The following SOCS4 variants were observed in gnomAD, a reference collection of about 807,000 sequenced individuals.
SOCS4 encodes suppressor of cytokine signaling 4, also known as SH2 domain containing SOCS box protein.
Under a neutral mutation model 34.1 loss-of-function variants are expected in SOCS4, and 20 were observed. The observed-to-expected ratio is 0.59, with a 90% CI of 0.41 to 0.85. SOCS4 has a LOEUF of 0.85. Ranked by LOEUF, SOCS4 falls within the 40% of genes least tolerant of loss-of-function variation. The pLI is 0.00. For missense variants in SOCS4, 479 were observed against 532.4 expected, an observed-to-expected ratio of 0.90 and a Z score of 0.99; for synonymous variants, 180 against 186.4, an observed-to-expected ratio of 0.97 and a Z score of 0.28.
chr14:55,030,274 T>TA (rs1276985585), intron 1 of SOCS4, among the ~76,000 whole-genome samples: 1 of 152,186 alleles, frequency 6.6e-6, no homozygotes, highest in Non-Finnish European at 1.5e-5. Flanking sequence ...GAAAATATAA[T>TA]ACAATCTTAT....
At chr14:55,028,949 G>A (rs975475992) in intron 1 of SOCS4, among the ~76,000 whole-genome samples, 1 of 152,118 alleles carries the variant, frequency 6.6e-6, no homozygotes, top group African/African-American at 2.4e-5. Flanking sequence ...AAAAGTAATT[G>A]TTATTAATAT....
chr14:55,040,824 G>A (rs542935011), intron 2 of SOCS4, among the ~76,000 whole-genome samples: 2 of 151,832 alleles, frequency 1.3e-5, no homozygotes, highest in South Asian at 2.1e-4. Flanking sequence ...ATCTACAATT[G>A]GTTGAATCTG....
At chr14:55,030,363 A>T (rs1457917304) in intron 1 of SOCS4, among the ~76,000 whole-genome samples, 1 of 152,144 alleles carries the variant, frequency 6.6e-6, no homozygotes, top group Non-Finnish European at 1.5e-5. Context: ...AAGAATTTAA[A>T]ACTTTTTAAA....
chr14:55,032,431 G>T (rs1342833971), intron 2 of SOCS4, among the ~76,000 whole-genome samples: 1 of 151,980 alleles, frequency 6.6e-6, no homozygotes, highest in Non-Finnish European at 1.5e-5. Context: ...GTAGAACCTG[G>T]GACCAAATAG....
intron 1 of SOCS4, chr14:55,027,884 A>G (rs1347157172): frequency 1.3e-5 from 2 of 152,242 alleles, no homozygotes; most frequent in African/African-American, 4.8e-5. Context: ...ATTTATAACC[A>G]AAAGAAGAGT....
In SOCS4 at chr14:55,047,544, A is replaced by G. The variant is rs2042687703; in HGVS notation, c.*3180A>G. The G allele has an allele frequency of 6.0e-6, 1 of 167,092 alleles. No individual in the cohort carries two copies. The highest frequency in any genetic ancestry group is 2.4e-5 in the African/African-American group (1 of 41,468). 10.4% of individuals were successfully genotyped at this position (167,092 alleles called of 1,614,324 possible). On this transcript the variant is annotated 3_prime_UTR_variant, in exon 3 of 3. Transcript: ENST00000555846. ...ACCTAATAGGAAGAAGATTAAAGGAAGCTTTTAGTCAGCCTGTGGCTAGAT... is the reference window on the plus strand; with the variant it reads ...ACCTAATAGGAAGAAGATTAAAGGAGGCTTTTAGTCAGCCTGTGGCTAGAT...
rs1594619287 is a variant in SOCS4 at position 55,048,673 on chromosome 14, A to G, written c.*4309A>G. On this transcript the variant is annotated 3_prime_UTR_variant, in exon 3 of 3. Coordinates refer to ENST00000555846, the MANE Select transcript of SOCS4 (RefSeq NM_199421.2). ...GGCTTGGAAGTTGAAATGTAGATTA[A>G]TGGATATAACCCAATAGAAAGGGAT... The G allele has an allele frequency of 4.2e-5, 7 of 167,268 alleles. No individual in the cohort carries two copies. The South Asian group carries it at 1.4e-3, about 35-fold the overall frequency. 10.4% of individuals were successfully genotyped at this position (167,268 alleles called of 1,614,324 possible).
At chr14:55,041,940 C>A in intron 2 of SOCS4, among the ~76,000 whole-genome samples, 1 of 151,562 alleles carries the variant, frequency 6.6e-6, no homozygotes, top group African/African-American at 2.4e-5. Flanking sequence ...TACAGGCGTG[C>A]GCCGTTGCAC....
intron 1 of SOCS4, among the ~76,000 whole-genome samples, chr14:55,031,016 T>C (rs2042524065): frequency 6.6e-6 from 1 of 152,170 alleles, no homozygotes; most frequent in African/African-American, 2.4e-5. Context: ...TATAGCTTTT[T>C]TCCCCCTCCT....
intron 2 of SOCS4, among the ~76,000 whole-genome samples, chr14:55,033,412 C>T (rs1463359321): frequency 1.3e-5 from 2 of 152,134 alleles, no homozygotes; most frequent in Non-Finnish European, 2.9e-5. Context: ...AGACTTCTCT[C>T]ATTTTTTTGT....
At position 55,045,706 on chromosome 14, in the gene SOCS4, A is replaced by T; in HGVS notation, c.*1342A>T. The T allele has an allele frequency of 6.0e-6, 1 of 166,976 alleles. No homozygotes were observed. The highest frequency in any genetic ancestry group is 1.9e-4 in the East Asian group (1 of 5,204). The allele number at this position is 166,976 out of a possible 1,614,324, so 10.3% of individuals were successfully genotyped here. ...TTCTTTTTTTAAGGAATCAATGAAT[A>T]ATAAATGTAGATAGACAATTTTCTT... On this transcript the variant is annotated 3_prime_UTR_variant, in exon 3 of 3. Coordinates refer to ENST00000555846, the MANE Select transcript of SOCS4 (RefSeq NM_199421.2).
chr14:55,042,912 A>T, intron 2 of SOCS4, 40 bp from the exon 3 acceptor site: 2 of 758,246 alleles, frequency 2.6e-6, no homozygotes, highest in Non-Finnish European at 4.2e-6. Flanking sequence ...TAGACAAGGT[A>T]GATGACAAAT....
chr14:55,043,507 T>C lies in SOCS4; in HGVS notation c.466T>C (p.Ser156Pro), dbSNP rs749795919. ...TAAACGACACACTGCTCCTATAAATTCCAAATCAGATGAATGGGTAAGCAC... is the reference window on the plus strand; with the variant it reads ...TAAACGACACACTGCTCCTATAAATCCCAAATCAGATGAATGGGTAAGCAC... ...FIKRHTAPIN[S>P]KSDEWVSTDL... Residue 156 changes from serine (S) to proline (P), a missense_variant, in exon 3 of 3, where the codon TCC (serine) becomes CCC (proline). By Grantham distance (74) the Ser-to-Pro change is moderately conservative. Coordinates refer to ENST00000555846, the MANE Select transcript of SOCS4 (RefSeq NM_199421.2). 1.9e-6 allele frequency: 3 copies of C among 1,614,168 alleles called. No individual in the cohort carries two copies. Among genetic ancestry groups the C allele is most frequent in the Non-Finnish European group, 2.5e-6 (3 of 1,180,022 alleles).
chr14:55,039,371 G>A (rs1315457019), intron 2 of SOCS4, among the ~76,000 whole-genome samples: 6 of 152,114 alleles, frequency 3.9e-5, no homozygotes, highest in African/African-American at 9.7e-5. Flanking sequence ...CTGGGAGGTC[G>A]AGGCTGCAGC....
intron 1 of SOCS4, among the ~76,000 whole-genome samples, chr14:55,029,570 C>G (rs909477129): frequency 6.6e-6 from 1 of 152,092 alleles, no homozygotes; most frequent in Non-Finnish European, 1.5e-5. Flanking sequence ...ATCATGTGAT[C>G]TTACAGGATT....
chr14:55,041,984 G>T (rs943971427), intron 2 of SOCS4, among the ~76,000 whole-genome samples: 8 of 151,506 alleles, frequency 5.3e-5, no homozygotes, highest in African/African-American at 7.3e-5. Context: ...GTAGAGATGG[G>T]GTTTCACTGT....
In SOCS4 at chr14:55,045,972, A is replaced by G. The variant is rs1288563391; in HGVS notation, c.*1608A>G. The G allele has an allele frequency of 6.0e-6, 1 of 166,764 alleles. No individual in the cohort carries two copies. Among genetic ancestry groups the G allele is most frequent in the Non-Finnish European group, 1.5e-5 (1 of 67,984 alleles). The allele number at this position is 166,764 out of a possible 1,614,324, so 10.3% of individuals were successfully genotyped here. ...ATTTTTCCATAATAGCTTTAAAATA[A>G]TTTTTTAGTAATTATTACAAAATTA... On this transcript the variant is annotated 3_prime_UTR_variant, in exon 3 of 3. Coordinates refer to ENST00000555846, the MANE Select transcript of SOCS4 (RefSeq NM_199421.2).
At chr14:55,041,758 C>G in intron 2 of SOCS4, among the ~76,000 whole-genome samples, 1 of 140,370 alleles carries the variant, frequency 7.1e-6, no homozygotes, top group Non-Finnish European at 1.6e-5. Flanking sequence ...CAGGTGTGAG[C>G]CACCGTGCCC....
At chr14:55,036,096 A>G (rs1594611206) in intron 2 of SOCS4, among the ~76,000 whole-genome samples, 1 of 152,182 alleles carries the variant, frequency 6.6e-6, no homozygotes, top group Non-Finnish European at 1.5e-5. Flanking sequence ...ATCCATATAC[A>G]TATATAGAGA....
Sources: gnomAD v4.1 joint callset for allele counts (sites outside exome capture counted in the v4.1 genomes callset) on GRCh38, gnomAD v4.1.1 for gene constraint, MANE v1.5 for transcripts, NCBI Gene and HGNC (gene_info 2026-07-23, HGNC 2026-07-21) for gene names.